CORO2B: variants seen among roughly 807,000 people sequenced by gnomAD.
The protein encoded by CORO2B is coronin 2B.
A neutral mutation model predicts 58.8 loss-of-function variants in CORO2B; 26 were observed. The ratio of observed to expected loss-of-function variants is 0.44; its 90% confidence interval spans 0.32 to 0.61. CORO2B has a LOEUF of 0.61. Ranked by LOEUF, CORO2B falls within the 20% of genes least tolerant of loss-of-function variation. CORO2B has a pLI of 0.04. For synonymous variants in CORO2B, 242 were observed against 253.8 expected (o/e 0.95, Z 0.44); for missense variants, 460 against 645.1 (o/e 0.71, Z 3.11).
At chr15:68,589,684 G>T (rs1899651695) in intron 1 of CORO2B, among the ~76,000 whole-genome samples, 1 of 152,222 alleles carries the variant, frequency 6.6e-6, no homozygotes. Flanking sequence ...GTTGCCCGAT[G>T]TTGGCAGGCC....
At chr15:68,610,352 C>T (rs8031588) in intron 1 of CORO2B, among the ~76,000 whole-genome samples, 2 of 152,166 alleles carry the variant, frequency 1.3e-5, no homozygotes, top group African/African-American at 2.4e-5. Flanking sequence ...TAGTGAAGGG[C>T]TGGGGGCTGG....
intron 9 of CORO2B, 88 bp from the exon 10 acceptor site, chr15:68,719,056 T>G: frequency 9.1e-7 from 1 of 1,095,214 alleles, no homozygotes. Flanking sequence ...GTAGAGTGAC[T>G]GGAGATCAGT....
At chr15:68,519,632 A>T in the CORO2B span, among the ~76,000 whole-genome samples, 24 of 151,962 alleles carry the variant, frequency 1.6e-4, 1 homozygote, top group Admixed American at 3.3e-4. Flanking sequence ...GATTTTGATG[A>T]TTTTCCTTTG....
chr15:68,706,045 T>A (rs1473461073), intron 3 of CORO2B, among the ~76,000 whole-genome samples: 1 of 152,124 alleles, frequency 6.6e-6, no homozygotes, highest in African/African-American at 2.4e-5. Flanking sequence ...AATTAGGGTG[T>A]CCTGGGAAAG....
rs1419556756 is a variant in CORO2B, at chr15:68,645,175, C to T, written c.31C>T (p.Gln11Ter). Residue 11 changes from glutamine to a stop codon, truncating the protein, a stop_gained, in exon 2 of 12, where the codon CAA (glutamine) becomes TAA (stop). Coordinates refer to ENST00000261861, the MANE Select transcript of CORO2B (RefSeq NM_006091.5). LOFTEE classifies it high-confidence loss of function. This position sits in a 1 kb window ranked among gnomAD's most constrained non-coding sequence, Gnocchi z 4.5. Reference protein sequence around the residue: MTVTKMSWRPQYRSSKFRNVY... With the variant: MTVTKMSWRP ...CCCCTCACAGATGTCCTGGCGTCCG[C>T]AATACCGTAGCTCCAAGTTCCGGAA... 1 of 1,614,136 alleles carries T rather than the reference C, an allele frequency of 6.2e-7. No homozygotes were observed. The highest frequency in any genetic ancestry group is 1.1e-5 in the South Asian group (1 of 91,064).
At chr15:68,711,227 C>T (rs909298875) in intron 4 of CORO2B, among the ~76,000 whole-genome samples, 3 of 152,114 alleles carry the variant, frequency 2.0e-5, no homozygotes, top group Non-Finnish European at 4.4e-5. Flanking sequence ...GGAGCCTCAG[C>T]CCCGAGCCCC....
intron 1 of CORO2B, among the ~76,000 whole-genome samples, chr15:68,636,158 G>A (rs181723319): frequency 2.0e-4 from 31 of 152,308 alleles, no homozygotes; most frequent in African/African-American, 7.0e-4. Context: ...TTAGCTCATC[G>A]TAAGCACTAA....
intron 1 of CORO2B, among the ~76,000 whole-genome samples, chr15:68,594,870 T>C (rs1472474235): frequency 6.6e-6 from 1 of 152,184 alleles, no homozygotes; most frequent in Non-Finnish European, 1.5e-5. Flanking sequence ...ATAATAACAA[T>C]TGAAATCTCA....
At chr15:68,605,500 C>T (rs117076357) in intron 1 of CORO2B, among the ~76,000 whole-genome samples, 2,156 of 152,286 alleles carry the variant, frequency 0.014, 24 homozygotes, top group Middle Eastern at 0.031. Context: ...GAATATTCTG[C>T]AGCCGTTAAA....
chr15:68,602,632 C>A (rs1900013769), intron 1 of CORO2B, among the ~76,000 whole-genome samples: 1 of 152,184 alleles, frequency 6.6e-6, no homozygotes, highest in African/African-American at 2.4e-5. Flanking sequence ...TGGTGGGAGC[C>A]CCCATAGCTC....
At chr15:68,661,081 G>A (rs370951930) in intron 2 of CORO2B, among the ~76,000 whole-genome samples, 2 of 151,778 alleles carry the variant, frequency 1.3e-5, no homozygotes, top group East Asian at 3.9e-4. Flanking sequence ...GGGTTCAAGC[G>A]ATTCTCCTGC....
At chr15:68,550,157 T>C in the CORO2B span, among the ~76,000 whole-genome samples, 1 of 151,932 alleles carries the variant, frequency 6.6e-6, no homozygotes, top group Non-Finnish European at 1.5e-5. Context: ...CTGGGGGTGC[T>C]CTAAGGAGAA....
At chr15:68,606,800 C>T (rs545567484) in intron 1 of CORO2B, among the ~76,000 whole-genome samples, 1 of 152,196 alleles carries the variant, frequency 6.6e-6, no homozygotes, top group South Asian at 2.1e-4. Context: ...CTGATGGCCC[C>T]AGATAGAGGA....
chr15:68,694,693 G>A (rs1892467474), intron 2 of CORO2B, among the ~76,000 whole-genome samples: 1 of 152,214 alleles, frequency 6.6e-6, no homozygotes, highest in African/African-American at 2.4e-5. Flanking sequence ...GAAGCAGGGA[G>A]TGTGGGCCCC....
intron 2 of CORO2B, among the ~76,000 whole-genome samples, chr15:68,649,755 T>C (rs1455653056): frequency 6.6e-6 from 1 of 152,216 alleles, no homozygotes; most frequent in Non-Finnish European, 1.5e-5. Flanking sequence ...AAAAAGTTAA[T>C]GAGAAGAATG....
At chr15:68,520,297 C>A in the CORO2B span, among the ~76,000 whole-genome samples, 1 of 152,210 alleles carries the variant, frequency 6.6e-6, no homozygotes, top group Non-Finnish European at 1.5e-5. Context: ...TTCCTAGTTA[C>A]ATTGTTCAGA....
At chr15:68,594,961 T>TC (rs1222676544) in intron 1 of CORO2B, among the ~76,000 whole-genome samples, 1 of 152,240 alleles carries the variant, frequency 6.6e-6, no homozygotes, top group African/African-American at 2.4e-5. Flanking sequence ...ATTGTTTTTT[T>TC]CCAATTCTGA....
At chr15:68,691,786 G>A (rs16952387) in intron 2 of CORO2B, among the ~76,000 whole-genome samples, 9 of 151,906 alleles carry the variant, frequency 5.9e-5, no homozygotes, top group Admixed American at 1.3e-4. Flanking sequence ...AATAGGTTCC[G>A]GTGATGTTGC....
chr15:68,540,496 T>C, the CORO2B span, among the ~76,000 whole-genome samples: 1 of 152,256 alleles, frequency 6.6e-6, no homozygotes, highest in African/African-American at 2.4e-5. Flanking sequence ...CTTTACCTTA[T>C]CTGTTTTTCA....
Sources: gnomAD v4.1 joint callset for allele counts (sites outside exome capture counted in the v4.1 genomes callset) on GRCh38, gnomAD v4.1.1 for gene constraint, Gnocchi (gnomAD v3.1) non-coding constraint, MANE v1.5 for transcripts, NCBI Gene and HGNC (gene_info 2026-07-23, HGNC 2026-07-21) for gene names.